The following TNFAIP8 variants were observed in gnomAD, a reference collection of about 807,000 sequenced individuals.
TNFAIP8 encodes TNF alpha induced protein 8.
In TNFAIP8, 7 loss-of-function variants were observed where a neutral mutation model predicts 13.3. The ratio of observed to expected loss-of-function variants is 0.52; its 90% CI spans 0.30 to 0.99. The LOEUF is 0.99. TNFAIP8 is among the 50% of genes least tolerant of loss of function. The probability of loss-of-function intolerance (pLI) is 0.07; values close to 1 mark genes in which losing one functional copy is unlikely to be tolerated. For synonymous variants in TNFAIP8, 94 were observed against 87.6 expected (o/e 1.07, Z -0.41); for missense variants, 258 against 236.9 (o/e 1.09, Z -0.58).
chr5:119,333,318 A>G, intron 1 of TNFAIP8: 2 of 1,230,474 alleles, frequency 1.6e-6, no homozygotes. Flanking sequence ...ATTAAAGGCT[A>G]CCTAATGCAT....
intron 1 of TNFAIP8, among the ~76,000 whole-genome samples, chr5:119,319,706 C>A (rs1202405446): frequency 6.6e-6 from 1 of 152,082 alleles, no homozygotes; most frequent in Non-Finnish European, 1.5e-5. Context: ...ATTGGTGCAC[C>A]TTTTATTCTA....
chr5:119,318,704 T>C (rs1250806823), intron 1 of TNFAIP8, among the ~76,000 whole-genome samples: 1 of 123,176 alleles, frequency 8.1e-6, no homozygotes, highest in Admixed American at 9.9e-5. Context: ...CTCCTGTCCC[T>C]CTTCCTGCCC....
At chr5:119,306,995 T>C (rs1470226687) in intron 1 of TNFAIP8, among the ~76,000 whole-genome samples, 2 of 152,236 alleles carry the variant, frequency 1.3e-5, no homozygotes, top group Admixed American at 1.3e-4. Flanking sequence ...TTGTGGACTC[T>C]TAAGATGCTA....
At chr5:119,382,770 A>G (rs1409772399) in intron 1 of TNFAIP8, among the ~76,000 whole-genome samples, 2 of 152,228 alleles carry the variant, frequency 1.3e-5, no homozygotes, top group African/African-American at 4.8e-5. Context: ...GTCTGACTCT[A>G]GAGCCGGTGC....
chr5:119,396,405 A>C lies in TNFAIP8; in HGVS notation c.*3024A>C, dbSNP rs1328097411. Reference sequence around the variant, plus strand: ...TTCTGTCTCGTGGAACTTCACTTCTAGGTGCTCACAATGACTTTTAACGTT... The same window carrying C: ...TTCTGTCTCGTGGAACTTCACTTCTCGGTGCTCACAATGACTTTTAACGTT... On this transcript the variant is annotated 3_prime_UTR_variant, in exon 2 of 2. Transcript: ENST00000504771. 5 of 152,228 alleles carry C rather than the reference A, an allele frequency of 3.3e-5. No individual in the cohort carries two copies. Among genetic ancestry groups the C allele is most frequent in the Non-Finnish European group, 5.9e-5 (4 of 68,044 alleles). The allele number at this position is 152,228 out of a possible 1,614,324, so 9.4% of individuals were successfully genotyped here. A position where few individuals can be genotyped will look rare whatever the true frequency, so the allele number is the denominator to read the frequency against.
chr5:119,279,369 C>T (rs1748561443), intron 1 of TNFAIP8, among the ~76,000 whole-genome samples: 1 of 152,126 alleles, frequency 6.6e-6, no homozygotes, highest in Non-Finnish European at 1.5e-5. Context: ...TGCTACAAAG[C>T]TTGTCTCCAT....
At chr5:119,278,352 G>GAGAGAGA (rs1748519942) in intron 1 of TNFAIP8, among the ~76,000 whole-genome samples, 3 of 123,210 alleles carry the variant, frequency 2.4e-5, no homozygotes, top group African/African-American at 1.0e-4. Flanking sequence ...ACAGGAAGGG[G>GAGAGAGA]GAGAGAGAGA....
intron 1 of TNFAIP8, among the ~76,000 whole-genome samples, chr5:119,379,998 G>A (rs890100806): frequency 6.6e-6 from 1 of 152,166 alleles, no homozygotes; most frequent in Non-Finnish European, 1.5e-5. Flanking sequence ...CATTTGGTAG[G>A]CAATTTATAA....
chr5:119,330,130 C>A (rs977598733), intron 1 of TNFAIP8, among the ~76,000 whole-genome samples: 5 of 151,972 alleles, frequency 3.3e-5, no homozygotes, highest in Admixed American at 1.3e-4. Context: ...TTAGCATGGG[C>A]AGGATTCAGC....
chr5:119,293,549 A>G (rs1156463027), intron 1 of TNFAIP8, among the ~76,000 whole-genome samples: 2 of 152,364 alleles, frequency 1.3e-5, no homozygotes, highest in Admixed American at 6.5e-5. Context: ...GCTGAACAGT[A>G]TTCCATTGTG....
intron 1 of TNFAIP8, among the ~76,000 whole-genome samples, chr5:119,325,913 C>A (rs1173232780): frequency 6.6e-6 from 1 of 152,218 alleles, no homozygotes. Context: ...TCAGCATATA[C>A]CTCCAATGCC....
chr5:119,390,564 T>C (rs1291922386), intron 1 of TNFAIP8, among the ~76,000 whole-genome samples: 1 of 152,244 alleles, frequency 6.6e-6, no homozygotes, highest in Admixed American at 6.5e-5. Context: ...ATTTTCACTT[T>C]CCTTCTCTTT....
intron 1 of TNFAIP8, chr5:119,391,381 T>A: frequency 1.4e-6 from 1 of 702,344 alleles, no homozygotes; most frequent in South Asian, 1.5e-5. Context: ...GCTTAAACAC[T>A]GGCATATATG....
At chr5:119,355,370 C>T (rs1284959644), upstream of TNFAIP8, 2 of 702,434 alleles carry the variant, frequency 2.8e-6, no homozygotes, top group East Asian at 5.4e-5. Context: ...GTAAGCAGCC[C>T]CGTCTGCTTT....
intron 1 of TNFAIP8, among the ~76,000 whole-genome samples, chr5:119,322,030 C>A (rs1046805525): frequency 3.9e-5 from 6 of 152,130 alleles, no homozygotes; most frequent in African/African-American, 1.4e-4. Context: ...TGCACACACC[C>A]CTCCCTCTGC....
intron 1 of TNFAIP8, among the ~76,000 whole-genome samples, chr5:119,340,007 C>G (rs1460062391): frequency 6.6e-6 from 1 of 152,192 alleles, no homozygotes; most frequent in East Asian, 1.9e-4. Flanking sequence ...TAGATGAGTG[C>G]TCCAGGAGGA....
intron 1 of TNFAIP8, among the ~76,000 whole-genome samples, chr5:119,361,620 T>G (rs1393038876): frequency 6.6e-6 from 1 of 152,226 alleles, no homozygotes; most frequent in Non-Finnish European, 1.5e-5. Context: ...TAGCTTTAGG[T>G]GCCTGAAGCC....
chr5:119,312,745 C>CAAAAAAAAAAAAAAAAAAA (rs869226026), intron 1 of TNFAIP8, among the ~76,000 whole-genome samples: 3 of 43,352 alleles, frequency 6.9e-5, no homozygotes, highest in Non-Finnish European at 1.4e-4. Context: ...GCAAAAAATA[C>CAAAAAAAAAAAAAAAAAAA]AAAAAAAAAA....
intron 1 of TNFAIP8, among the ~76,000 whole-genome samples, chr5:119,332,695 CCTT>C (rs1750423338): frequency 6.6e-6 from 1 of 152,138 alleles, no homozygotes; most frequent in Non-Finnish European, 1.5e-5. Context: ...CAAAGAAAAG[CCTT>C]CTTAGAAGTG....
Sources: allele counts gnomAD v4.1 joint callset (sites outside exome capture counted in the v4.1 genomes callset), GRCh38; gene constraint gnomAD v4.1.1; transcripts MANE v1.5; gene names NCBI Gene and HGNC (gene_info 2026-07-23, HGNC 2026-07-21).